NCALD: variants seen among roughly 807,000 people sequenced by gnomAD.
The protein encoded by NCALD is neurocalcin delta.
NCALD carries 10 observed loss-of-function variants against 18.6 expected under a neutral mutation model. The ratio of observed to expected loss-of-function variants is 0.54; its 90% CI spans 0.33 to 0.91. The LOEUF (loss-of-function observed/expected upper bound fraction) is 0.91, where lower values mean the gene tolerates loss of function less well. NCALD is among the 40% of genes least tolerant of loss of function. The probability of loss-of-function intolerance (pLI) is 0.03; values close to 1 mark genes in which losing one functional copy is unlikely to be tolerated. For missense variants in NCALD, 184 were observed against 247.6 expected, an observed-to-expected ratio of 0.74 and a Z score of 1.72; for synonymous variants, 88 against 87.4, an observed-to-expected ratio of 1.01 and a Z score of -0.04.
intron 1 of NCALD, among the ~76,000 whole-genome samples, chr8:102,120,643 G>C (rs993188766): frequency 1.3e-5 from 2 of 152,196 alleles, no homozygotes; most frequent in African/African-American, 4.8e-5. Flanking sequence ...TCTTCCTCTG[G>C]ACTGAGGAGT....
chr8:101,766,269 A>G (rs959627566), intron 1 of NCALD, among the ~76,000 whole-genome samples: 14 of 152,190 alleles, frequency 9.2e-5, no homozygotes, highest in Non-Finnish European at 2.1e-4. Flanking sequence ...TTTAAATTGG[A>G]AACAATTGGC....
intron 1 of NCALD, among the ~76,000 whole-genome samples, chr8:101,740,755 G>C (rs1810151310): frequency 6.6e-6 from 1 of 152,076 alleles, no homozygotes; most frequent in Non-Finnish European, 1.5e-5. Flanking sequence ...TATAAGACAG[G>C]TTCTGTGTGC....
chr8:101,733,655 C>T (rs902173284), intron 1 of NCALD, among the ~76,000 whole-genome samples: 2 of 152,110 alleles, frequency 1.3e-5, no homozygotes, highest in African/African-American at 4.8e-5. Context: ...GGGACATTCT[C>T]CCCATTGTTT....
At chr8:102,053,566 G>A (rs866963489) in intron 1 of NCALD, among the ~76,000 whole-genome samples, 15 of 152,074 alleles carry the variant, frequency 9.9e-5, no homozygotes, top group African/African-American at 3.4e-4. Flanking sequence ...GGAGCAAACC[G>A]AGACATGAAG....
chr8:101,693,749 T>C (rs569379130), intron 2 of NCALD: 1 of 152,248 alleles, frequency 6.6e-6, no homozygotes, highest in Non-Finnish European at 1.5e-5. Flanking sequence ...ATGACAGACA[T>C]GTAACACTCT....
chr8:101,873,047 TCA>T (rs985188805), intron 4 of NCALD, among the ~76,000 whole-genome samples: 2 of 152,198 alleles, frequency 1.3e-5, no homozygotes, highest in African/African-American at 2.4e-5. Context: ...ACCACTCCTC[TCA>T]CTTTTCTGCT....
intron 1 of NCALD, among the ~76,000 whole-genome samples, chr8:102,033,161 C>T (rs1822740471): frequency 1.3e-5 from 2 of 152,114 alleles, no homozygotes; most frequent in African/African-American, 4.8e-5. Context: ...GATCAAGGCG[C>T]TAATTTCACA....
At chr8:101,900,760 T>G (rs1255859424) in intron 3 of NCALD, among the ~76,000 whole-genome samples, 2 of 151,968 alleles carry the variant, frequency 1.3e-5, no homozygotes, top group Non-Finnish European at 2.9e-5. Flanking sequence ...TGAGGTTTGT[T>G]TTATGGTTTA....
At chr8:102,117,306 C>T (rs183199337) in intron 1 of NCALD, among the ~76,000 whole-genome samples, 9 of 152,326 alleles carry the variant, frequency 5.9e-5, no homozygotes, top group Admixed American at 2.0e-4. Context: ...CAGCCCATTC[C>T]GTGTTCACAG....
At chr8:101,849,572 T>C (rs910035001) in intron 4 of NCALD, among the ~76,000 whole-genome samples, 6 of 152,112 alleles carry the variant, frequency 3.9e-5, no homozygotes, top group African/African-American at 1.2e-4. Flanking sequence ...ATTTTTCCGA[T>C]AGGAAACCAG....
chr8:101,955,943 C>T lies in NCALD; in HGVS notation c.-156-40085G>A, dbSNP rs143842752. Among the ~76,000 whole-genome samples the T allele has an allele frequency of 4.2e-3, 639 of 152,124 alleles. 5 individuals are homozygous for T. Among genetic ancestry groups the T allele is most frequent in the African/African-American group, 0.014 (589 of 41,502 alleles). Reference sequence around the variant, plus strand: ...ATTTAAGGGTAATGGGATGTGGTATCTTCAAGTTACTTCCCAGTAGTTTAG... The same window carrying T: ...ATTTAAGGGTAATGGGATGTGGTATTTTCAAGTTACTTCCCAGTAGTTTAG... On this transcript the variant is annotated intron_variant, in intron 2 of 6. Coordinates refer to the NCALD transcript ENST00000311028.
rs1016233270 is a variant in NCALD, at chr8:101,765,872, T to C, written c.-20+24990A>G. 2.6e-5 allele frequency among the ~76,000 whole-genome samples: 4 copies of C among 152,210 alleles called. No homozygotes were observed. In the East Asian group the frequency reaches 7.7e-4, roughly 29 times the overall value. ...CTTAGCATACAGATCTCTACTACCATATACTTCTGCTCTGCAATGCAGCAT... is the reference window on the plus strand; with the variant it reads ...CTTAGCATACAGATCTCTACTACCACATACTTCTGCTCTGCAATGCAGCAT... On this transcript the variant is annotated intron_variant, in intron 1 of 3. Transcript: ENST00000220931.
chr8:101,794,974 A>G (rs1357893424), upstream of NCALD, among the ~76,000 whole-genome samples: 2 of 152,230 alleles, frequency 1.3e-5, no homozygotes, highest in African/African-American at 2.4e-5. Context: ...ATCTTAATCT[A>G]TCTTTGGCCT....
At chr8:101,706,317 TA>T (rs1261711377) in intron 2 of NCALD, among the ~76,000 whole-genome samples, 130 of 145,778 alleles carry the variant, frequency 8.9e-4, no homozygotes, top group East Asian at 1.2e-3. Context: ...TAAGACTATT[TA>T]AAAAAAAAAA....
At chr8:102,095,861 A>G (rs776808452) in intron 1 of NCALD, among the ~76,000 whole-genome samples, 16 of 152,230 alleles carry the variant, frequency 1.1e-4, no homozygotes, top group Non-Finnish European at 2.4e-4. Context: ...ATCCTGTTAG[A>G]CTAGTCACCT....
At chr8:102,069,722 T>C (rs1305765386) in intron 1 of NCALD, among the ~76,000 whole-genome samples, 1 of 152,286 alleles carries the variant, frequency 6.6e-6, no homozygotes, top group Non-Finnish European at 1.5e-5. Context: ...AATGTAATTC[T>C]GTATTTCTTG....
At chr8:101,704,615 C>T (rs1815420424) in intron 2 of NCALD, among the ~76,000 whole-genome samples, 2 of 152,142 alleles carry the variant, frequency 1.3e-5, no homozygotes, top group African/African-American at 4.8e-5. Context: ...GAAATTTAGA[C>T]ATCATTTAAA....
chr8:102,101,333 T>C (rs1382579311), intron 1 of NCALD, among the ~76,000 whole-genome samples: 1 of 152,242 alleles, frequency 6.6e-6, no homozygotes, highest in Non-Finnish European at 1.5e-5. Flanking sequence ...TTTTTTAAGT[T>C]AGCAACAAAT....
intron 1 of NCALD, among the ~76,000 whole-genome samples, chr8:101,738,940 C>G (rs888858715): frequency 1.3e-5 from 2 of 152,090 alleles, no homozygotes; most frequent in African/African-American, 2.4e-5. Context: ...TTTCAAGTTA[C>G]CTCCCTCCAC....
Sources: allele counts gnomAD v4.1 joint callset (sites outside exome capture counted in the v4.1 genomes callset), GRCh38; gene constraint gnomAD v4.1.1; transcripts MANE v1.5; gene names NCBI Gene and HGNC (gene_info 2026-07-23, HGNC 2026-07-21).